The following PLGRKT variants were observed in gnomAD, a reference collection of about 807,000 sequenced individuals.
PLGRKT encodes the protein plasminogen receptor with a C-terminal lysine.
In PLGRKT, 22 loss-of-function variants were observed where a neutral mutation model predicts 18.5. That is an observed-to-expected ratio of 1.19 (90% CI 0.85 to 1.70). PLGRKT has a LOEUF of 1.70. PLGRKT is among the 40% of genes most tolerant of loss of function. The pLI is 0.00. For missense variants in PLGRKT, 235 were observed against 174.4 expected (o/e 1.35, Z -1.96); for synonymous variants, 72 against 52.8 (o/e 1.36, Z -1.58).
rs772629711 is a variant in PLGRKT, at chr9:5,358,351, T to G, written c.332A>C (p.Glu111Ala). 6.2e-7 allele frequency: 1 copy of G among 1,612,748 alleles called. No homozygotes were observed. Among genetic ancestry groups the G allele is most frequent in the Non-Finnish European group, 8.5e-7 (1 of 1,179,222 alleles). The stretch of plus-strand genomic sequence containing the variant: ...ACTCTTTTCTGTTTCCAGTATGTCC[T>G]CAGCTTCACCTTAAATAAAGTACAG... ...TLLERMKGEAEDILETEKSKL... is the reference protein window; with the variant it reads ...TLLERMKGEAADILETEKSKL... The change falls in exon 6 of 6, where the codon GAG becomes GCG. Residue 111 changes from glutamate (E) to alanine (A), a missense_variant. Glu to Ala is a moderately radical substitution (Grantham distance 107, BLOSUM62 -1). Transcript: ENST00000223864.
chr9:5,384,838 C>A (rs1297520383), intron 3 of PLGRKT, among the ~76,000 whole-genome samples: 6 of 152,122 alleles, frequency 3.9e-5, no homozygotes, highest in Non-Finnish European at 8.8e-5. Context: ...ACAGCAAGTG[C>A]CTAAATAATG....
At chr9:5,368,616 A>G (rs1418355979) in intron 3 of PLGRKT, among the ~76,000 whole-genome samples, 1 of 152,164 alleles carries the variant, frequency 6.6e-6, no homozygotes, top group Non-Finnish European at 1.5e-5. Context: ...AGTGATGAAA[A>G]ACTACCTGTT....
chr9:5,403,632 C>T (rs976989141), intron 3 of PLGRKT, among the ~76,000 whole-genome samples: 1 of 152,182 alleles, frequency 6.6e-6, no homozygotes, highest in East Asian at 1.9e-4. Context: ...ACAATATCAC[C>T]GTATTAACCA....
At chr9:5,385,126 G>A (rs1241008831) in intron 3 of PLGRKT, among the ~76,000 whole-genome samples, 1 of 152,148 alleles carries the variant, frequency 6.6e-6, no homozygotes, top group Non-Finnish European at 1.5e-5. Flanking sequence ...GATACTGAAA[G>A]CCTGTGGAAG....
chr9:5,362,882 T>C (rs1017484645), intron 3 of PLGRKT, among the ~76,000 whole-genome samples: 4 of 152,040 alleles, frequency 2.6e-5, no homozygotes, highest in Non-Finnish European at 4.4e-5. Context: ...CAGAGAAGAC[T>C]TGTGGCCTTG....
At chr9:5,429,683 T>C (rs888410916) in intron 3 of PLGRKT, among the ~76,000 whole-genome samples, 1 of 152,186 alleles carries the variant, frequency 6.6e-6, no homozygotes, top group Non-Finnish European at 1.5e-5. Flanking sequence ...AACGACCTCA[T>C]TTTAACTTGA....
At chr9:5,394,791 T>G (rs1563777693) in intron 3 of PLGRKT, among the ~76,000 whole-genome samples, 1 of 151,960 alleles carries the variant, frequency 6.6e-6, no homozygotes, top group African/African-American at 2.4e-5. Flanking sequence ...CACCATAGTT[T>G]CCTGTATCAG....
chr9:5,412,907 G>A (rs1377741208), intron 3 of PLGRKT, among the ~76,000 whole-genome samples: 1 of 151,896 alleles, frequency 6.6e-6, no homozygotes, highest in Non-Finnish European at 1.5e-5. Flanking sequence ...AACACTTGAG[G>A]GACAGTAGAC....
chr9:5,413,413 C>G (rs1407205100), intron 3 of PLGRKT, among the ~76,000 whole-genome samples: 1 of 152,012 alleles, frequency 6.6e-6, no homozygotes, highest in Non-Finnish European at 1.5e-5. Flanking sequence ...GTAGATCTGA[C>G]TCAGCTCAGG....
chr9:5,397,357 G>A (rs1479966965), intron 3 of PLGRKT, among the ~76,000 whole-genome samples: 1 of 151,730 alleles, frequency 6.6e-6, no homozygotes, highest in Non-Finnish European at 1.5e-5. Flanking sequence ...TCTACATCCA[G>A]CTTTAGTGTT....
chr9:5,432,412 TAAG>T (rs1423066049), intron 2 of PLGRKT, among the ~76,000 whole-genome samples: 1 of 152,214 alleles, frequency 6.6e-6, no homozygotes, highest in Non-Finnish European at 1.5e-5. Flanking sequence ...GAGGGATGAT[TAAG>T]AAGATGCCTT....
intron 3 of PLGRKT, among the ~76,000 whole-genome samples, chr9:5,428,526 G>C (rs977280957): frequency 3.3e-5 from 5 of 152,192 alleles, no homozygotes; most frequent in African/African-American, 9.7e-5. Flanking sequence ...ATTCTCTCCA[G>C]AGGCCAGAGA....
intron 3 of PLGRKT, among the ~76,000 whole-genome samples, chr9:5,369,076 G>C (rs1320302877): frequency 6.6e-6 from 1 of 152,104 alleles, no homozygotes; most frequent in African/African-American, 2.4e-5. Flanking sequence ...AACACCAAAA[G>C]CAATAGCAAC....
rs575969100 is a variant in PLGRKT at position 5,368,942 on chromosome 9, A to C, written c.82-7054T>G. On this transcript the variant is annotated intron_variant, in intron 3 of 5. Coordinates refer to ENST00000223864, the MANE Select transcript of PLGRKT (RefSeq NM_018465.4). ...AAACTGGACCCCTTCCTTATGCCTT[A>C]CACAAAAATTCACTCAAGATGGATT... Among the ~76,000 whole-genome samples the C allele has an allele frequency of 1.8e-4, 27 of 152,330 alleles. No homozygotes were observed. The South Asian group carries it at 5.4e-3, about 30-fold the overall frequency.
chr9:5,366,052 A>G (rs1472766907), intron 3 of PLGRKT, among the ~76,000 whole-genome samples: 4 of 152,196 alleles, frequency 2.6e-5, no homozygotes, highest in African/African-American at 9.6e-5. Context: ...AATGTTAATT[A>G]TCAATTAAAA....
At chr9:5,409,912 A>T (rs1002762984) in intron 3 of PLGRKT, among the ~76,000 whole-genome samples, 4 of 152,190 alleles carry the variant, frequency 2.6e-5, no homozygotes, top group African/African-American at 7.2e-5. Flanking sequence ...TTTTTTCCAG[A>T]AACATTCTAA....
intron 3 of PLGRKT, among the ~76,000 whole-genome samples, chr9:5,401,536 A>T (rs1818154049): frequency 6.6e-6 from 1 of 151,958 alleles, no homozygotes. Flanking sequence ...AATATACCAA[A>T]TAAGCTTCAC....
chr9:5,363,838 T>G (rs146025193), intron 3 of PLGRKT, among the ~76,000 whole-genome samples: 2 of 152,220 alleles, frequency 1.3e-5, no homozygotes, highest in African/African-American at 4.8e-5. Context: ...TTGAGTAACT[T>G]TGACTTGTCA....
At chr9:5,434,527 T>A (rs919167677) in intron 2 of PLGRKT, among the ~76,000 whole-genome samples, 3 of 133,538 alleles carry the variant, frequency 2.2e-5, no homozygotes, top group African/African-American at 8.8e-5. Context: ...CCGGCTGCTC[T>A]TTGTCTGGGA....
Sources: gnomAD v4.1 joint callset for allele counts (sites outside exome capture counted in the v4.1 genomes callset) on GRCh38, gnomAD v4.1.1 for gene constraint, MANE v1.5 for transcripts, NCBI Gene and HGNC (gene_info 2026-07-23, HGNC 2026-07-21) for gene names.